GPC6: variants seen among roughly 807,000 people sequenced by gnomAD.
The protein encoded by GPC6 is glypican-6.
GPC6 carries 14 observed loss-of-function variants against 55.2 expected under a neutral mutation model. The observed-to-expected ratio is 0.25, with a 90% confidence interval of 0.17 to 0.40. GPC6 has a LOEUF of 0.40. Among genes scored for constraint, GPC6 ranks in the 10% least tolerant of loss-of-function variants. GPC6 has a pLI of 1.00. For missense variants in GPC6, 641 were observed against 708.5 expected (o/e 0.90, Z 1.08); for synonymous variants, 278 against 259.6 (o/e 1.07, Z -0.68).
chr13:93,696,453 C>A (rs1882455277), intron 2 of GPC6, among the ~76,000 whole-genome samples: 1 of 152,030 alleles, frequency 6.6e-6, no homozygotes, highest in South Asian at 2.1e-4. Flanking sequence ...TATTTTAATA[C>A]ACCTTTTCTT....
chr13:93,270,932 G>A (rs897078136), intron 1 of GPC6, among the ~76,000 whole-genome samples: 3 of 152,178 alleles, frequency 2.0e-5, no homozygotes, highest in African/African-American at 7.2e-5. Flanking sequence ...ATCTTAGGTT[G>A]AAAGGGCTTT....
intron 3 of GPC6, among the ~76,000 whole-genome samples, chr13:93,913,070 T>A (rs1300917996): frequency 1.3e-5 from 2 of 152,196 alleles, no homozygotes; most frequent in East Asian, 3.8e-4. Context: ...TTTATGGACT[T>A]CAGCAAAGAC....
chr13:94,241,703 C>G (rs1055583105), intron 4 of GPC6, among the ~76,000 whole-genome samples: 3 of 151,982 alleles, frequency 2.0e-5, no homozygotes, highest in African/African-American at 7.2e-5. Flanking sequence ...GTATTAACTT[C>G]CAAAGAGTAA....
chr13:94,185,977 A>G (rs1889167985), intron 4 of GPC6, among the ~76,000 whole-genome samples: 1 of 133,188 alleles, frequency 7.5e-6, no homozygotes, highest in South Asian at 2.6e-4. Context: ...GGAGAATGGC[A>G]TGAACCCGGG....
chr13:93,458,320 T>C (rs1354469374), intron 1 of GPC6, among the ~76,000 whole-genome samples: 4 of 152,166 alleles, frequency 2.6e-5, no homozygotes, highest in Non-Finnish European at 2.9e-5. Context: ...CCTAGTACTC[T>C]TCATTGTATC....
At chr13:94,191,650 T>TAA (rs751323722) in intron 4 of GPC6, among the ~76,000 whole-genome samples, 1 of 145,872 alleles carries the variant, frequency 6.9e-6, no homozygotes, top group South Asian at 2.2e-4. Flanking sequence ...TTGAAGGAAG[T>TAA]AAAAAAAAAA....
At chr13:93,242,692 G>T (rs548849552) in intron 1 of GPC6, among the ~76,000 whole-genome samples, 1 of 152,158 alleles carries the variant, frequency 6.6e-6, no homozygotes, top group Non-Finnish European at 1.5e-5. Flanking sequence ...AAGAGTTGCA[G>T]CTGCTCCTAG....
At chr13:93,542,614 C>T (rs1214728750) in intron 1 of GPC6, among the ~76,000 whole-genome samples, 3 of 152,082 alleles carry the variant, frequency 2.0e-5, no homozygotes, top group Admixed American at 1.3e-4. Flanking sequence ...TTATCTTGGG[C>T]AGTATGGCCA....
chr13:93,387,290 G>T (rs1875445677), intron 1 of GPC6, among the ~76,000 whole-genome samples: 1 of 152,082 alleles, frequency 6.6e-6, no homozygotes, highest in Non-Finnish European at 1.5e-5. Flanking sequence ...AGGCCCGCAT[G>T]CACCAGGTAC....
chr13:94,211,749 T>C (rs944381246), intron 4 of GPC6, among the ~76,000 whole-genome samples: 1 of 152,196 alleles, frequency 6.6e-6, no homozygotes, highest in African/African-American at 2.4e-5. Context: ...GACCACAAGC[T>C]CAGAATCGGT....
chr13:93,836,836 G>T (rs1266117018), intron 3 of GPC6, among the ~76,000 whole-genome samples: 1 of 152,070 alleles, frequency 6.6e-6, no homozygotes, highest in Non-Finnish European at 1.5e-5. Flanking sequence ...ATCTTACCAT[G>T]GTTCAGATAC....
intron 3 of GPC6, among the ~76,000 whole-genome samples, chr13:93,862,123 C>A (rs936997192): frequency 2.0e-5 from 3 of 151,624 alleles, no homozygotes; most frequent in Non-Finnish European, 3.0e-5. Flanking sequence ...GAAATGACAG[C>A]ACAGTAAAAG....
intron 1 of GPC6, among the ~76,000 whole-genome samples, chr13:93,502,852 G>C (rs1880572149): frequency 6.6e-6 from 1 of 151,946 alleles, no homozygotes; most frequent in Admixed American, 6.6e-5. Context: ...AATTAGGAAG[G>C]GCTGCGTGTA....
intron 1 of GPC6, among the ~76,000 whole-genome samples, chr13:93,355,839 T>C (rs1880829359): frequency 1.3e-5 from 2 of 151,718 alleles, no homozygotes; most frequent in Admixed American, 6.6e-5. Flanking sequence ...AAAGGAAGTA[T>C]GGGGTGCATG....
intron 4 of GPC6, among the ~76,000 whole-genome samples, chr13:94,101,465 T>C (rs995303455): frequency 3.9e-5 from 6 of 152,198 alleles, no homozygotes; most frequent in Admixed American, 2.0e-4. Flanking sequence ...TGTATGTGAT[T>C]TCATCTCAGT....
intron 1 of GPC6, among the ~76,000 whole-genome samples, chr13:93,300,986 T>C (rs1301666541): frequency 6.6e-6 from 1 of 151,774 alleles, no homozygotes; most frequent in Non-Finnish European, 1.5e-5. Flanking sequence ...GCCATTGCAC[T>C]CCGGCCTTGG....
intron 1 of GPC6, among the ~76,000 whole-genome samples, chr13:93,260,231 G>A (rs1044447261): frequency 6.6e-6 from 1 of 152,054 alleles, no homozygotes; most frequent in Admixed American, 6.6e-5. Flanking sequence ...TTATTGAAGA[G>A]AAACAATCTA....
chr13:93,287,861 T>A (rs1374586833), intron 1 of GPC6, among the ~76,000 whole-genome samples: 1 of 152,208 alleles, frequency 6.6e-6, no homozygotes, highest in Non-Finnish European at 1.5e-5. Flanking sequence ...ATGTTTTTTT[T>A]AAAGGTTTTT....
chr13:93,255,991 G>T (rs2139034499), intron 1 of GPC6, among the ~76,000 whole-genome samples: 1 of 150,362 alleles, frequency 6.7e-6, no homozygotes, highest in East Asian at 2.1e-4. Context: ...AAAATTAGCT[G>T]GGTGCAGTGG....
Sources: allele counts gnomAD v4.1 joint callset (sites outside exome capture counted in the v4.1 genomes callset), GRCh38; gene constraint gnomAD v4.1.1; transcripts MANE v1.5; gene names NCBI Gene and HGNC (gene_info 2026-07-23, HGNC 2026-07-21).